The following PDE4D variants were observed in gnomAD, a reference collection of about 807,000 sequenced individuals.
PDE4D encodes 3',5'-cyclic-AMP phosphodiesterase 4D.
PDE4D carries 24 observed loss-of-function variants against 87.4 expected under a neutral mutation model. The observed-to-expected ratio is 0.27, with a 90% CI of 0.20 to 0.39. PDE4D has a LOEUF of 0.39. PDE4D is among the 10% of genes least tolerant of loss of function. The pLI, the probability that PDE4D is intolerant of heterozygous loss-of-function variation, is 1.00. For synonymous variants in PDE4D, 384 were observed against 383.2 expected (o/e 1.00, Z -0.02); for missense variants, 714 against 1,041.0 (o/e 0.69, Z 4.32).
At chr5:59,734,151 G>A (rs1757761812) in intron 1 of PDE4D, among the ~76,000 whole-genome samples, 1 of 151,962 alleles carries the variant, frequency 6.6e-6, no homozygotes, top group Non-Finnish European at 1.5e-5. Context: ...ACACAGGTTT[G>A]TATATATTTG....
intron 5 of PDE4D, among the ~76,000 whole-genome samples, chr5:59,086,251 T>C (rs1045371471): frequency 6.6e-6 from 1 of 152,138 alleles, no homozygotes; most frequent in African/African-American, 2.4e-5. Context: ...CTTGTATAAA[T>C]CTGATGTCAC....
At chr5:60,065,847 A>G (rs561442574) in intron 2 of PDE4D, among the ~76,000 whole-genome samples, 42 of 152,226 alleles carry the variant, frequency 2.8e-4, no homozygotes, top group East Asian at 7.7e-4. Context: ...TTGGACATTT[A>G]CATTGGTTCC....
chr5:59,550,009 C>G (rs549842301), intron 1 of PDE4D, among the ~76,000 whole-genome samples: 139 of 151,884 alleles, frequency 9.2e-4, no homozygotes, highest in Non-Finnish European at 1.1e-3. Flanking sequence ...ACAGAGGTCT[C>G]TTTGCTAGGG....
chr5:59,240,834 G>T (rs1329000368), intron 1 of PDE4D, among the ~76,000 whole-genome samples: 1 of 151,690 alleles, frequency 6.6e-6, no homozygotes, highest in Non-Finnish European at 1.5e-5. Context: ...ATTCCATAAA[G>T]TTCAGTATAG....
At chr5:59,419,745 T>C (rs1482619670) in intron 1 of PDE4D, among the ~76,000 whole-genome samples, 1 of 152,214 alleles carries the variant, frequency 6.6e-6, no homozygotes, top group Non-Finnish European at 1.5e-5. Flanking sequence ...GAAATTTCTT[T>C]TCAAATTGAA....
chr5:59,424,985 G>A (rs1219137058), intron 1 of PDE4D, among the ~76,000 whole-genome samples: 1 of 152,106 alleles, frequency 6.6e-6, no homozygotes, highest in Non-Finnish European at 1.5e-5. Flanking sequence ...TTATTACCTA[G>A]TCTGGAGCTA....
intron 1 of PDE4D, among the ~76,000 whole-genome samples, chr5:60,329,573 T>C (rs997306292): frequency 6.6e-6 from 1 of 152,122 alleles, no homozygotes; most frequent in African/African-American, 2.4e-5. Flanking sequence ...TGGGACTCTA[T>C]GAGAGCAGAG....
At chr5:59,431,049 T>C (rs993806560) in intron 1 of PDE4D, among the ~76,000 whole-genome samples, 5 of 152,108 alleles carry the variant, frequency 3.3e-5, no homozygotes, top group African/African-American at 1.2e-4. Context: ...CTCAGGAACA[T>C]AAAAACGGTA....
chr5:59,575,599 C>G (rs905302865), intron 1 of PDE4D, among the ~76,000 whole-genome samples: 3 of 152,074 alleles, frequency 2.0e-5, no homozygotes, highest in Admixed American at 6.6e-5. Context: ...ATTATTTATG[C>G]TCAAGATGAC....
chr5:59,022,811 T>G (rs569847916), intron 6 of PDE4D, among the ~76,000 whole-genome samples: 2 of 152,214 alleles, frequency 1.3e-5, no homozygotes, highest in Admixed American at 6.5e-5. Flanking sequence ...TTTGCTGAAA[T>G]TGCTCTTGCT....
At chr5:60,316,046 G>C (rs1755556149) in intron 1 of PDE4D, among the ~76,000 whole-genome samples, 1 of 152,208 alleles carries the variant, frequency 6.6e-6, no homozygotes, top group Admixed American at 6.5e-5. Flanking sequence ...AGCTTGATGG[G>C]GATGGCATTG....
intron 1 of PDE4D, among the ~76,000 whole-genome samples, chr5:60,458,351 C>T (rs1438252562): frequency 7.3e-6 from 1 of 137,828 alleles, no homozygotes; most frequent in African/African-American, 2.8e-5. Context: ...GACACCACTG[C>T]ACTCCAGCTT....
intron 2 of PDE4D, among the ~76,000 whole-genome samples, chr5:59,202,899 A>C (rs1157388717): frequency 6.6e-6 from 1 of 152,204 alleles, no homozygotes; most frequent in Non-Finnish European, 1.5e-5. Flanking sequence ...ATGAGAACAG[A>C]CTAGTACAGT....
chr5:59,600,418 C>A (rs1389850710), intron 1 of PDE4D, among the ~76,000 whole-genome samples: 1 of 152,166 alleles, frequency 6.6e-6, no homozygotes, highest in Non-Finnish European at 1.5e-5. Flanking sequence ...GGACAAAGTG[C>A]TAAGATGGCA....
At chr5:59,169,264 G>C (rs1782385222) in intron 5 of PDE4D, among the ~76,000 whole-genome samples, 1 of 152,130 alleles carries the variant, frequency 6.6e-6, no homozygotes, top group African/African-American at 2.4e-5. Flanking sequence ...AAATGGGTGG[G>C]AAGCACTTTG....
intron 1 of PDE4D, among the ~76,000 whole-genome samples, chr5:60,518,343 C>T (rs1211392709): frequency 4.6e-5 from 7 of 152,230 alleles, no homozygotes; most frequent in African/African-American, 1.7e-4. Flanking sequence ...CACCATTAGC[C>T]ACAAAGGTTT....
intron 6 of PDE4D, chr5:59,000,035 T>G (rs1750168524): frequency 2.2e-6 from 1 of 449,164 alleles, no homozygotes; most frequent in South Asian, 9.4e-5. Flanking sequence ...GGGTGTGGCC[T>G]CGGTGCAGGC....
intron 1 of PDE4D, among the ~76,000 whole-genome samples, chr5:59,357,242 C>T (rs1292507587): frequency 6.6e-6 from 1 of 152,058 alleles, no homozygotes; most frequent in African/African-American, 2.4e-5. Context: ...GTGGGTAAAC[C>T]TTTATATCAG....
chr5:59,307,382 C>CT (rs887256985), intron 1 of PDE4D, among the ~76,000 whole-genome samples: 22 of 150,688 alleles, frequency 1.5e-4, no homozygotes, highest in Admixed American at 5.9e-4. Flanking sequence ...AACTAAAGAG[C>CT]TTCTGCACAG....
Sources: gnomAD v4.1 joint callset for allele counts (sites outside exome capture counted in the v4.1 genomes callset) on GRCh38, gnomAD v4.1.1 for gene constraint, MANE v1.5 for transcripts, NCBI Gene and HGNC (gene_info 2026-07-23, HGNC 2026-07-21) for gene names.